The following ANO4 variants were observed in gnomAD, a reference collection of about 807,000 sequenced individuals.
ANO4 encodes the protein anoctamin 4.
ANO4 carries 69 observed loss-of-function variants against 141.9 expected under a neutral mutation model. That is an observed-to-expected ratio of 0.49 (90% CI 0.40 to 0.59). ANO4 has a LOEUF of 0.59. Ranked by LOEUF, ANO4 falls within the 20% of genes least tolerant of loss-of-function variation. The probability of loss-of-function intolerance (pLI) is 0.00; values close to 1 mark genes in which losing one functional copy is unlikely to be tolerated. For missense variants in ANO4, 894 were observed against 1,162.2 expected (o/e 0.77, Z 3.36); for synonymous variants, 350 against 394.3 (o/e 0.89, Z 1.33).
intron 8 of ANO4, among the ~76,000 whole-genome samples, chr12:101,015,470 C>G (rs973782301): frequency 2.0e-5 from 3 of 152,156 alleles, no homozygotes; most frequent in Non-Finnish European, 2.9e-5. Context: ...GAATATTCCA[C>G]TGTAGAGTTG....
At chr12:100,979,767 G>T (rs1351441708) in intron 7 of ANO4, among the ~76,000 whole-genome samples, 1 of 151,220 alleles carries the variant, frequency 6.6e-6, no homozygotes, top group Non-Finnish European at 1.5e-5. Flanking sequence ...TCACTGTGTT[G>T]CCCAGGCTGG....
intron 7 of ANO4, among the ~76,000 whole-genome samples, chr12:100,979,677 G>C (rs1398629532): frequency 6.6e-6 from 1 of 152,096 alleles, no homozygotes; most frequent in Non-Finnish European, 1.5e-5. Context: ...CATGTGTGCA[G>C]AGGAGAGGCT....
chr12:100,717,516 G>C (rs1317879251), upstream of ANO4: 1 of 398,962 alleles, frequency 2.5e-6, no homozygotes, highest in Admixed American at 4.4e-5. Flanking sequence ...TGGGCAGGAC[G>C]CGGGCCAGGA....
At chr12:100,758,211 T>G (rs2032699538) in intron 3 of ANO4, among the ~76,000 whole-genome samples, 1 of 152,230 alleles carries the variant, frequency 6.6e-6, no homozygotes, top group Non-Finnish European at 1.5e-5. Flanking sequence ...GCCCGCGGTC[T>G]TGGCTCATTC....
chr12:100,717,441 G>A (rs2030649552), upstream of ANO4: 1 of 393,658 alleles, frequency 2.5e-6, no homozygotes, highest in African/African-American at 2.1e-5. Context: ...GCATGCACTC[G>A]CCGGGCCGGG....
At chr12:101,073,405 C>T (rs570962736) in intron 14 of ANO4, among the ~76,000 whole-genome samples, 1 of 152,086 alleles carries the variant, frequency 6.6e-6, no homozygotes, top group Admixed American at 6.5e-5. Context: ...GGGAACATCA[C>T]ACCCCAAGGC....
chr12:100,733,036 A>G (rs780182525), intron 1 of ANO4, among the ~76,000 whole-genome samples: 43 of 151,946 alleles, frequency 2.8e-4, no homozygotes, highest in Non-Finnish European at 5.4e-4. Context: ...GACCACCACT[A>G]TTTCTCGTCA....
chr12:100,974,826 A>G lies in ANO4; in HGVS notation c.558-19A>G. On this transcript the variant is annotated intron_variant, in intron 6 of 27. Coordinates refer to ENST00000392977, the MANE Select transcript of ANO4 (RefSeq NM_001286615.2). ...ATGGGTTTTCTTCTCGACTGGCTTC[A>G]TTTTTGCTGTTCTTCCAGGAGAAAA... is the stretch of plus-strand genomic sequence containing the variant. The G allele has an allele frequency of 6.2e-7, 1 of 1,611,520 alleles. No individual in the cohort carries two copies. Among genetic ancestry groups the G allele is most frequent in the Non-Finnish European group, 8.5e-7 (1 of 1,179,728 alleles).
At chr12:100,749,563 A>G (rs964983596) in intron 3 of ANO4, among the ~76,000 whole-genome samples, 2 of 152,172 alleles carry the variant, frequency 1.3e-5, no homozygotes, top group East Asian at 1.9e-4. Flanking sequence ...TGTGCTGGTT[A>G]TTTAGTTTTA....
intron 8 of ANO4, among the ~76,000 whole-genome samples, chr12:101,019,040 G>T (rs755984677): frequency 2.0e-5 from 3 of 152,142 alleles, no homozygotes; most frequent in Non-Finnish European, 2.9e-5. Context: ...GTAACTGAAT[G>T]CTTTGGGGGA....
At chr12:101,054,157 A>T (rs1395595126) in intron 14 of ANO4, among the ~76,000 whole-genome samples, 1 of 152,258 alleles carries the variant, frequency 6.6e-6, no homozygotes, top group Non-Finnish European at 1.5e-5. Flanking sequence ...AATGTCCAAC[A>T]ATAGAAGAAC....
intron 14 of ANO4, among the ~76,000 whole-genome samples, chr12:101,051,302 T>G (rs146047238): frequency 7.9e-5 from 12 of 152,304 alleles, no homozygotes; most frequent in Non-Finnish European, 1.6e-4. Context: ...TTAACAGCCC[T>G]TGTGGTTTGG....
chr12:100,825,323 C>T (rs1002754937), intron 1 of ANO4, among the ~76,000 whole-genome samples: 4 of 151,994 alleles, frequency 2.6e-5, no homozygotes, highest in Admixed American at 6.6e-5. Flanking sequence ...CTCTGGGCCT[C>T]GCTGTGCTAG....
At chr12:100,763,968 G>C (rs563624838) in intron 3 of ANO4, among the ~76,000 whole-genome samples, 2 of 151,892 alleles carry the variant, frequency 1.3e-5, no homozygotes, top group African/African-American at 4.8e-5. Flanking sequence ...GTTCCTTTAG[G>C]ATTTGATTCT....
intron 2 of ANO4, among the ~76,000 whole-genome samples, chr12:100,904,213 C>T (rs1301850828): frequency 1.3e-5 from 2 of 152,124 alleles, no homozygotes; most frequent in Non-Finnish European, 2.9e-5. Context: ...TTTCTTTCAA[C>T]AAGTACCTGA....
At chr12:101,055,085 T>C (rs186807173) in intron 14 of ANO4, among the ~76,000 whole-genome samples, 1 of 152,366 alleles carries the variant, frequency 6.6e-6, no homozygotes, top group East Asian at 1.9e-4. Flanking sequence ...ATATTTGGGT[T>C]CAGTATGGTT....
chr12:100,961,880 A>G (rs2043440864), intron 5 of ANO4, among the ~76,000 whole-genome samples: 1 of 152,174 alleles, frequency 6.6e-6, no homozygotes, highest in South Asian at 2.1e-4. Flanking sequence ...AGTTGCTGCA[A>G]CATAACTTAG....
At chr12:101,061,116 T>C (rs1250134064) in intron 14 of ANO4, among the ~76,000 whole-genome samples, 1 of 152,214 alleles carries the variant, frequency 6.6e-6, no homozygotes, top group Admixed American at 6.5e-5. Flanking sequence ...CTGTAAAGGA[T>C]TTTATTTCTC....
intron 14 of ANO4, among the ~76,000 whole-genome samples, chr12:101,063,111 C>T (rs1416566183): frequency 6.6e-6 from 1 of 152,196 alleles, no homozygotes; most frequent in East Asian, 1.9e-4. Flanking sequence ...CAGCACAGTC[C>T]CTCAGGGCTT....
Sources: allele counts gnomAD v4.1 joint callset (sites outside exome capture counted in the v4.1 genomes callset), GRCh38; gene constraint gnomAD v4.1.1; transcripts MANE v1.5; gene names NCBI Gene and HGNC (gene_info 2026-07-23, HGNC 2026-07-21).